The following INSR variants were observed in gnomAD, a reference collection of about 807,000 sequenced individuals.
INSR encodes IR.
In INSR, 67 loss-of-function variants were observed where a neutral mutation model predicts 142.6. That is an observed-to-expected ratio of 0.47 (90% CI 0.39 to 0.58). INSR has a LOEUF of 0.58. Ranked by LOEUF, INSR falls within the 20% of genes least tolerant of loss-of-function variation. The pLI is 0.00. For missense variants in INSR, 1,248 were observed against 1,833.2 expected, an observed-to-expected ratio of 0.68 and a Z score of 5.83; for synonymous variants, 756 against 743.1, an observed-to-expected ratio of 1.02 and a Z score of -0.28.
Position 7,117,105 on chromosome 19 carries a change from C to T in INSR, c.4100G>A (p.Gly1367Asp). The T allele has an allele frequency of 6.2e-7, 1 of 1,614,104 alleles. No individual in the cohort carries two copies. The highest frequency in any genetic ancestry group is 8.5e-7 in the Non-Finnish European group (1 of 1,180,010). Residue 1367 changes from glycine (G) to aspartate (D), a missense_variant, in exon 22 of 22, where the codon GGC becomes GAC. By Grantham distance (94) the Gly-to-Asp change is moderately conservative. Around this residue, in one of 3 missense-constraint regions of INSR, gnomAD observed 122 missense variants for 129.8 expected, o/e 0.94. Coordinates refer to ENST00000302850, the MANE Select transcript of INSR (RefSeq NM_000208.4). ...GGTCAGAATCCGCCCGTTTTTCTTG[C>T]CTCCGTTCATGTGTGTGTAAGGGAT... is the stretch of plus-strand genomic sequence containing the variant. ...EHIPYTHMNG[G>D]KKNGRILTLP...
At chr19:7,137,719 A>G (rs1167159334) in intron 13 of INSR, among the ~76,000 whole-genome samples, 1 of 139,814 alleles carries the variant, frequency 7.2e-6, no homozygotes, top group Non-Finnish European at 1.5e-5. Context: ...ACAGGGAGGC[A>G]GAGGTTGCAG....
At chr19:7,208,309 C>A (rs1458307031) in intron 2 of INSR, among the ~76,000 whole-genome samples, 1 of 149,250 alleles carries the variant, frequency 6.7e-6, no homozygotes, top group Non-Finnish European at 1.5e-5. Flanking sequence ...AAATCCCCCC[C>A]TTGAACTTCC....
At chr19:7,164,515 C>A (rs537204337) in intron 8 of INSR, among the ~76,000 whole-genome samples, 4 of 151,444 alleles carry the variant, frequency 2.6e-5, no homozygotes, top group Non-Finnish European at 5.9e-5. Context: ...GAAGCCCCAT[C>A]TCTATTAAAA....
chr19:7,161,541 G>A (rs941775994), intron 9 of INSR, among the ~76,000 whole-genome samples: 1 of 152,082 alleles, frequency 6.6e-6, no homozygotes, highest in Non-Finnish European at 1.5e-5. Flanking sequence ...TGAGCGCCAA[G>A]CCTGGCAGAC....
chr19:7,164,697 A>G (rs904437314), intron 8 of INSR, among the ~76,000 whole-genome samples: 10 of 150,232 alleles, frequency 6.7e-5, no homozygotes, highest in Non-Finnish European at 1.3e-4. Flanking sequence ...GTGGTGGTGC[A>G]TGCATGTAAT....
intron 9 of INSR, among the ~76,000 whole-genome samples, chr19:7,153,926 T>C (rs8104305): frequency 0.036 from 5,438 of 152,098 alleles, 254 homozygotes; most frequent in African/African-American, 0.1. Context: ...TTTGGGAGGC[T>C]GAGGTAGGCA....
At chr19:7,151,204 CTTT>C (rs1973347748) in intron 10 of INSR, among the ~76,000 whole-genome samples, 1 of 120,980 alleles carries the variant, frequency 8.3e-6, no homozygotes, top group Non-Finnish European at 1.7e-5. Flanking sequence ...TTCTTTCTTT[CTTT>C]CTTTTTCTTT....
intron 21 of INSR, 25 bp from the exon 22 acceptor site, chr19:7,117,435 G>C: frequency 6.4e-7 from 1 of 1,573,666 alleles, no homozygotes; most frequent in South Asian, 1.1e-5. Context: ...GACACGTCCT[G>C]GGTGAGTCTG....
chr19:7,135,301 CTTCTTT>C (rs1972888239), intron 13 of INSR, among the ~76,000 whole-genome samples: 2 of 69,486 alleles, frequency 2.9e-5, no homozygotes, highest in Non-Finnish European at 6.1e-5. Context: ...GGAAATGCAT[CTTCTTT>C]TTTTTTTTTT....
intron 3 of INSR, among the ~76,000 whole-genome samples, chr19:7,183,021 C>T (rs541783777): frequency 3.1e-4 from 47 of 151,482 alleles, no homozygotes; most frequent in African/African-American, 9.9e-4. Context: ...TTATCAACAA[C>T]GAGCAAAACA....
At chr19:7,117,634 T>A (rs755679779) in intron 21 of INSR, among the ~76,000 whole-genome samples, 1 of 152,172 alleles carries the variant, frequency 6.6e-6, no homozygotes, top group Non-Finnish European at 1.5e-5. Flanking sequence ...GGACACAGCG[T>A]CTCATTCTGT....
intron 2 of INSR, among the ~76,000 whole-genome samples, chr19:7,206,443 G>A (rs1001344353): frequency 6.6e-6 from 1 of 152,156 alleles, no homozygotes; most frequent in Non-Finnish European, 1.5e-5. Flanking sequence ...AGGGGCGGGC[G>A]AGCGATGGAA....
Position 7,267,808 on chromosome 19 carries a change from G to A in INSR, c.189C>T (p.Leu63=), listed in dbSNP as rs1188706391. Residue 63 remains leucine, a synonymous_variant, in exon 2 of 22, where the codon CTC becomes CTT. Transcript: ENST00000302850. This position sits in a 1 kb window ranked among gnomAD's most constrained non-coding sequence, Gnocchi z 6.3. ...CSVIEGHLQI[L]LMFKTRPEDF... is the part of the protein sequence containing the mutation. Reference sequence around the variant, plus strand: ...CTTCGGGCCTCGTTTTGAACATCAAGAGTATCTGCAAGTGTCCTTCGATGA... The same window carrying A: ...CTTCGGGCCTCGTTTTGAACATCAAAAGTATCTGCAAGTGTCCTTCGATGA... 6.2e-7 allele frequency: 1 copy of A among 1,614,114 alleles called. No individual in the cohort carries two copies. The highest frequency in any genetic ancestry group is 1.1e-5 in the South Asian group (1 of 91,078).
In INSR at chr19:7,267,095, G is replaced by A. The variant is rs1967756621; in HGVS notation, c.652+250C>T. 6.6e-6 allele frequency among the ~76,000 whole-genome samples: 1 copy of A among 151,942 alleles called. No individual in the cohort carries two copies. Among genetic ancestry groups the A allele is most frequent in the South Asian group, 2.1e-4 (1 of 4,816 alleles). ...CAGTCATACATTTATGCATGCCTGT[G>A]GCTGCTTGTCCAATACAGTGGCAGA... On this transcript the variant is annotated intron_variant, in intron 2 of 21. Coordinates refer to ENST00000302850, the MANE Select transcript of INSR (RefSeq NM_000208.4). The surrounding 1 kb of genome is among the most constrained non-coding windows in gnomAD (Gnocchi z 6.3).
Position 7,166,083 on chromosome 19 carries a change from T to A in INSR, c.1861+71A>T. 13 of 1,530,742 alleles carry A rather than the reference T, an allele frequency of 8.5e-6. No individual in the cohort carries two copies. The highest frequency in any genetic ancestry group is 1.2e-5 in the Non-Finnish European group (13 of 1,107,620). 94.8% of individuals were successfully genotyped at this position (1,530,742 alleles called of 1,614,324 possible). A position where few individuals can be genotyped will look rare whatever the true frequency, so the allele number is the denominator to read the frequency against. ...ATATCAAGGAGCATTTTATACAACC[T>A]CACTGCATCAGCCTATTAAAAGCAA... On this transcript the variant is annotated intron_variant, in intron 8 of 21. Transcript: ENST00000302850. The surrounding 1 kb of genome is among the most constrained non-coding windows in gnomAD (Gnocchi z 4.1).
chr19:7,178,927 T>C (rs1267425527), intron 3 of INSR, among the ~76,000 whole-genome samples: 3 of 152,188 alleles, frequency 2.0e-5, no homozygotes, highest in Admixed American at 6.5e-5. Flanking sequence ...GTTTTTAAAT[T>C]TGAGACAAGA....
intron 2 of INSR, among the ~76,000 whole-genome samples, chr19:7,246,668 G>A (rs918937967): frequency 2.0e-4 from 30 of 152,084 alleles, no homozygotes; most frequent in African/African-American, 6.8e-4. Context: ...ATGATTGAAC[G>A]TGGATACAAC....
At chr19:7,195,708 C>T (rs1974726212) in intron 2 of INSR, among the ~76,000 whole-genome samples, 2 of 151,452 alleles carry the variant, frequency 1.3e-5, no homozygotes, top group East Asian at 1.9e-4. Context: ...ACACAGAAAA[C>T]TGAGGAATTG....
At chr19:7,262,733 A>G (rs570594206) in intron 2 of INSR, among the ~76,000 whole-genome samples, 1 of 152,352 alleles carries the variant, frequency 6.6e-6, no homozygotes, top group African/African-American at 2.4e-5. Flanking sequence ...TGCTCAGTGA[A>G]ATAAGCCAGG....
Sources: gnomAD v4.1 joint callset for allele counts (sites outside exome capture counted in the v4.1 genomes callset) on GRCh38, gnomAD v4.1.1 for gene constraint, gnomAD v4.1.1 regional missense constraint, Gnocchi (gnomAD v3.1) non-coding constraint, MANE v1.5 for transcripts, NCBI Gene and HGNC (gene_info 2026-07-23, HGNC 2026-07-21) for gene names.